CBFA2T3: variants seen among roughly 807,000 people sequenced by gnomAD.
The protein encoded by CBFA2T3 is transcriptional corepressor CBFA2T3.
CBFA2T3 carries 31 observed loss-of-function variants against 58.6 expected under a neutral mutation model. The ratio of observed to expected loss-of-function variants is 0.53; its 90% CI spans 0.40 to 0.71. CBFA2T3 has a LOEUF of 0.71. CBFA2T3 is among the 30% of genes least tolerant of loss of function. The probability of loss-of-function intolerance (pLI) is 0.00; values close to 1 mark genes in which losing one functional copy is unlikely to be tolerated. For missense variants in CBFA2T3, 1,076 were observed against 963.1 expected (o/e 1.12, Z -1.55); for synonymous variants, 531 against 421.9 (o/e 1.26, Z -3.17).
rs1275362042 is a variant in CBFA2T3 at position 88,892,594 on chromosome 16, C to T, written c.380-109G>A. On this transcript the variant is annotated intron_variant, in intron 3 of 11. Transcript: ENST00000268679. ...ACTAAGGTGACAATGTCAAAAGTGA[C>T]GGCAACAATGATGAGACACAAGGAC... 5.7e-5 allele frequency: 72 copies of T among 1,270,078 alleles called. 2 individuals are homozygous for T. In the South Asian group the frequency reaches 5.8e-4, roughly 10 times the overall value. 78.7% of individuals were successfully genotyped at this position (1,270,078 alleles called of 1,614,324 possible).
intron 2 of CBFA2T3, among the ~76,000 whole-genome samples, chr16:88,901,059 C>T (rs114556982): frequency 5.0e-4 from 76 of 152,366 alleles, no homozygotes; most frequent in African/African-American, 1.5e-3. Context: ...GGGGCCTGTA[C>T]GCAGGTGACC....
rs575614158 is a variant in CBFA2T3 at position 88,887,597 on chromosome 16, G to A, written c.712-1455C>T. 9.7e-4 allele frequency among the ~76,000 whole-genome samples: 148 copies of A among 152,252 alleles called. 1 individual carries two copies. The highest frequency in any genetic ancestry group is 3.3e-3 in the African/African-American group (136 of 41,538). On this transcript the variant is annotated intron_variant, in intron 5 of 11. Transcript: ENST00000268679. The stretch of plus-strand genomic sequence containing the variant: ...ACTGGGCAGCATCAGCGTAGGGGCC[G>A]GATGCACAGCAGCCCTCGGCAAGCA...
intron 2 of CBFA2T3, among the ~76,000 whole-genome samples, chr16:88,900,005 G>C (rs887027001): frequency 6.6e-6 from 1 of 152,200 alleles, no homozygotes; most frequent in East Asian, 1.9e-4. Context: ...CGGCCACATC[G>C]CCGTGTGACA....
intron 1 of CBFA2T3, among the ~76,000 whole-genome samples, chr16:88,929,576 C>A (rs950329419): frequency 9.9e-5 from 15 of 152,170 alleles, no homozygotes; most frequent in African/African-American, 3.6e-4. Flanking sequence ...CTACCAATAC[C>A]CACATCTGCA....
chr16:88,963,695 C>A (rs559728543), intron 1 of CBFA2T3, among the ~76,000 whole-genome samples: 2 of 152,246 alleles, frequency 1.3e-5, no homozygotes, highest in Admixed American at 1.3e-4. Context: ...CGCTGCAGTG[C>A]GCATCAGGAA....
At chr16:88,935,325 A>T (rs989156939) in intron 1 of CBFA2T3, among the ~76,000 whole-genome samples, 3 of 152,082 alleles carry the variant, frequency 2.0e-5, no homozygotes, top group African/African-American at 7.2e-5. Flanking sequence ...AGGCAAGGGG[A>T]GGGGCCCGGC....
chr16:88,898,576 A>C (rs1195340521), intron 2 of CBFA2T3, among the ~76,000 whole-genome samples: 1 of 152,204 alleles, frequency 6.6e-6, no homozygotes, highest in African/African-American at 2.4e-5. Flanking sequence ...CCTTGTTTTC[A>C]TCGTCCTCTT....
intron 8 of CBFA2T3, among the ~76,000 whole-genome samples, chr16:88,882,427 G>C (rs924246386): frequency 2.0e-5 from 3 of 151,352 alleles, no homozygotes; most frequent in Non-Finnish European, 4.4e-5. Context: ...GTGTATGGCT[G>C]TGTGTGGGTG....
At chr16:88,941,363 C>T (rs1386964345) in intron 1 of CBFA2T3, among the ~76,000 whole-genome samples, 1 of 146,392 alleles carries the variant, frequency 6.8e-6, no homozygotes, top group African/African-American at 2.5e-5. Context: ...GGCCCCGCGG[C>T]CCCCGCCCCG....
At chr16:88,903,091 C>T (rs1350662627) in intron 1 of CBFA2T3, among the ~76,000 whole-genome samples, 1 of 152,332 alleles carries the variant, frequency 6.6e-6, no homozygotes, top group Admixed American at 6.5e-5. Flanking sequence ...GCCCCTGCTT[C>T]TGCCCGTTCC....
intron 1 of CBFA2T3, among the ~76,000 whole-genome samples, chr16:88,975,301 C>T (rs1370908466): frequency 7.0e-6 from 1 of 143,018 alleles, no homozygotes. Flanking sequence ...GACTCAGGCA[C>T]GGGGCCACCT....
In CBFA2T3 at chr16:88,974,241, C is replaced by A. The variant is rs376287225; in HGVS notation, c.151+2416G>T. Among the ~76,000 whole-genome samples the A allele has an allele frequency of 4.9e-4, 75 of 152,286 alleles. No individual in the cohort carries two copies. The East Asian group carries it at 7.9e-3, about 16-fold the overall frequency. ...GCTTGGGGGGACAAGGCGGTGAGAG[C>A]CTGCACAGCTCCGAGCACACACAGC... is the stretch of plus-strand genomic sequence containing the variant. On this transcript the variant is annotated intron_variant, in intron 1 of 11. Transcript: ENST00000268679.
chr16:88,891,648 A>T (rs746778819), intron 5 of CBFA2T3, among the ~76,000 whole-genome samples: 3 of 152,180 alleles, frequency 2.0e-5, no homozygotes, highest in Non-Finnish European at 4.4e-5. Context: ...TCTGGCAACT[A>T]ATTTTCAGGC....
chr16:88,889,804 C>T (rs1372543402), intron 5 of CBFA2T3, among the ~76,000 whole-genome samples: 1 of 148,278 alleles, frequency 6.7e-6, no homozygotes, highest in African/African-American at 2.5e-5. Flanking sequence ...TCCTCCTCCT[C>T]CAGGGACACT....
At chr16:88,905,745 G>A (rs1970299308) in intron 1 of CBFA2T3, among the ~76,000 whole-genome samples, 1 of 143,826 alleles carries the variant, frequency 7.0e-6, no homozygotes, top group African/African-American at 2.7e-5. Context: ...CGGGACTGGA[G>A]GGGCGGGGCT....
rs1413715304 is a variant in CBFA2T3 at position 88,881,301 on chromosome 16, C to G, written c.1392G>C (p.Gly464=). 1.3e-6 allele frequency: 2 copies of G among 1,590,934 alleles called. No homozygotes were observed. The highest frequency in any genetic ancestry group is 2.7e-5 in the African/African-American group (2 of 74,618). ...ACACCCCACACGCACCTAGCTGAGG[C>G]CCTTCGGGACCGGCGGAGCTGCTGC... ...RPRSSSAGPE[G]PQLDVPREFL... is the part of the protein sequence containing the mutation. The change falls in exon 9 of 12, where the codon GGG becomes GGC. Residue 464 remains glycine (G), a synonymous_variant. Transcript: ENST00000268679.
chr16:88,963,235 G>GGCCAGGGGTGGGTGCTCATCTTCT (rs1972412182), intron 1 of CBFA2T3, among the ~76,000 whole-genome samples: 3 of 100,508 alleles, frequency 3.0e-5, no homozygotes, highest in South Asian at 3.4e-4. Context: ...AGTGGGGGAA[G>GGCCAGGGGTGGGTGCTCATCTTCT]GCCAGGGGTG....
chr16:88,942,580 C>T (rs1248327026), intron 1 of CBFA2T3, among the ~76,000 whole-genome samples: 3 of 152,178 alleles, frequency 2.0e-5, no homozygotes, highest in Non-Finnish European at 4.4e-5. Context: ...GGACGGAAAC[C>T]CAGAACGGGG....
chr16:88,896,585 C>A (rs1969895687), intron 3 of CBFA2T3, among the ~76,000 whole-genome samples: 1 of 152,174 alleles, frequency 6.6e-6, no homozygotes, highest in Non-Finnish European at 1.5e-5. Context: ...ACACGGTGGA[C>A]TGTGACACAC....
Sources: gnomAD v4.1 joint callset for allele counts (sites outside exome capture counted in the v4.1 genomes callset) on GRCh38, gnomAD v4.1.1 for gene constraint, MANE v1.5 for transcripts, NCBI Gene and HGNC (gene_info 2026-07-23, HGNC 2026-07-21) for gene names.